FGFR1OP2: variants seen among roughly 807,000 people sequenced by gnomAD.
FGFR1OP2 encodes FGFR1 oncogene partner 2.
In FGFR1OP2, 17 loss-of-function variants were observed where a neutral mutation model predicts 35.2. The ratio of observed to expected loss-of-function variants is 0.48; its 90% CI spans 0.33 to 0.73. FGFR1OP2 has a LOEUF of 0.73. Among genes scored for constraint, FGFR1OP2 ranks in the 30% least tolerant of loss-of-function variants. The pLI, the probability that FGFR1OP2 is intolerant of heterozygous loss-of-function variation, is 0.02. For missense variants in FGFR1OP2, 251 were observed against 307.3 expected, an observed-to-expected ratio of 0.82 and a Z score of 1.37; for synonymous variants, 105 against 104.6, an observed-to-expected ratio of 1.00 and a Z score of -0.03.
At chr12:26,943,777 A>T (rs1938775681) in intron 1 of FGFR1OP2, among the ~76,000 whole-genome samples, 1 of 152,160 alleles carries the variant, frequency 6.6e-6, no homozygotes, top group African/African-American at 2.4e-5. Flanking sequence ...GTGAGCCAAG[A>T]TCGTACCGCT....
chr12:26,948,351 T>C (rs1938862574), intron 1 of FGFR1OP2, among the ~76,000 whole-genome samples: 1 of 152,240 alleles, frequency 6.6e-6, no homozygotes, highest in Non-Finnish European at 1.5e-5. Flanking sequence ...AAATAAGTTC[T>C]TCTTTCTCTT....
At chr12:26,954,337 C>T in intron 2 of FGFR1OP2, 44 bp downstream of exon 2, 1 of 1,548,576 alleles carries the variant, frequency 6.5e-7, no homozygotes, top group Non-Finnish European at 8.7e-7. Context: ...CAAAAGCAGT[C>T]ATTGACATTT....
chr12:26,965,322 T>G lies in FGFR1OP2; in HGVS notation c.*589T>G, dbSNP rs1210125321. The stretch of plus-strand genomic sequence containing the variant: ...TTAGCAATTTATCATAACTGATACT[T>G]AGCTAACAATTGTCCATAACTTGTT... On this transcript the variant is annotated 3_prime_UTR_variant, in exon 7 of 7. Coordinates refer to ENST00000229395, the MANE Select transcript of FGFR1OP2 (RefSeq NM_015633.3). 2 of 152,584 alleles carry G rather than the reference T, an allele frequency of 1.3e-5. No individual in the cohort carries two copies. The highest frequency in any genetic ancestry group is 4.8e-5 in the African/African-American group (2 of 41,462). 9.5% of individuals were successfully genotyped at this position (152,584 alleles called of 1,614,324 possible).
intron 1 of FGFR1OP2, among the ~76,000 whole-genome samples, chr12:26,952,582 A>G (rs1022850560): frequency 6.6e-5 from 10 of 152,184 alleles, no homozygotes; most frequent in Admixed American, 6.5e-5. Flanking sequence ...GGCGATTTAA[A>G]TAACAGGAGA....
chr12:26,960,772 T>G, intron 5 of FGFR1OP2, 144 bp downstream of exon 5: 2 of 1,279,896 alleles, frequency 1.6e-6, no homozygotes, highest in Non-Finnish European at 2.1e-6. Context: ...TTAATAGCCA[T>G]GCTGTTCAGT....
chr12:26,964,597 A>G lies in FGFR1OP2; in HGVS notation c.626A>G (p.Gln209Arg). 1 of 1,609,994 alleles carries G rather than the reference A, an allele frequency of 6.2e-7. No homozygotes were observed. The highest frequency in any genetic ancestry group is 8.5e-7 in the Non-Finnish European group (1 of 1,177,030). ...TCTTTGTTTTTGCTTGCCTTTTAGC[A>G]AGAAAACAAAGGCTTGAGAGAGATC... Reference protein sequence around the residue: ...KEQERIFQLEQENKGLREILQ... With the variant: ...KEQERIFQLERENKGLREILQ... Residue 209 changes from glutamine to arginine, a missense_variant and splice_region_variant, in exon 7 of 7, where the codon CAA (glutamine) becomes CGA (arginine). Physicochemically the swap from Gln to Arg is conservative, Grantham distance 43. Coordinates refer to ENST00000229395, the MANE Select transcript of FGFR1OP2 (RefSeq NM_015633.3).
chr12:26,955,264 A>G (rs1939000983), intron 2 of FGFR1OP2, among the ~76,000 whole-genome samples: 1 of 152,210 alleles, frequency 6.6e-6, no homozygotes, highest in Non-Finnish European at 1.5e-5. Context: ...AATAAGTGCA[A>G]TTTTAAAATA....
chr12:26,941,265 A>G (rs906022162), intron 1 of FGFR1OP2, among the ~76,000 whole-genome samples: 2 of 152,194 alleles, frequency 1.3e-5, no homozygotes, highest in African/African-American at 4.8e-5. Flanking sequence ...TTAAAATTTG[A>G]AACTTGTTAG....
At chr12:26,948,390 C>T (rs913614101) in intron 1 of FGFR1OP2, among the ~76,000 whole-genome samples, 3 of 152,162 alleles carry the variant, frequency 2.0e-5, no homozygotes. Flanking sequence ...ATTTCACCTT[C>T]ATATATGAAA....
intron 5 of FGFR1OP2, 192 bp from the exon 6 acceptor site, chr12:26,963,150 T>C (rs1459428251): frequency 4.4e-6 from 2 of 454,550 alleles, no homozygotes; most frequent in Admixed American, 3.9e-5. Flanking sequence ...TTCTTAATTC[T>C]AGTCCTAACA....
At chr12:26,961,708 A>C (rs1442813549) in intron 5 of FGFR1OP2, 1 of 152,310 alleles carries the variant, frequency 6.6e-6, no homozygotes, top group East Asian at 1.9e-4. Flanking sequence ...ATTGCACTCC[A>C]GCCTGGCCAA....
At chr12:26,949,046 A>T (rs574766928) in intron 1 of FGFR1OP2, among the ~76,000 whole-genome samples, 2 of 152,304 alleles carry the variant, frequency 1.3e-5, no homozygotes, top group East Asian at 3.9e-4. Flanking sequence ...ATATTTCTAA[A>T]CCATGGAGAG....
chr12:26,960,585 CTCAA>C lies in FGFR1OP2; in HGVS notation c.468_471del (p.Gln157MetfsTer22). On this transcript the variant is annotated frameshift_variant, in exon 5 of 7. Transcript: ENST00000229395. LOFTEE classifies it high-confidence loss of function. ...GCATCTCGACACATCCTTGAAGCACCTCAACATGGACTGGAGAGAAGGCACTTGG... is the reference window on the plus strand; with the variant it reads ...GCATCTCGACACATCCTTGAAGCACCCATGGACTGGAGAGAAGGCACTTGG... The C allele has an allele frequency of 6.2e-7, 1 of 1,613,496 alleles. No individual in the cohort carries two copies. Among genetic ancestry groups the C allele is most frequent in the South Asian group, 1.1e-5 (1 of 91,064 alleles).
intron 1 of FGFR1OP2, among the ~76,000 whole-genome samples, chr12:26,942,820 AC>A (rs1938757891): frequency 6.6e-6 from 1 of 151,964 alleles, no homozygotes; most frequent in African/African-American, 2.4e-5. Flanking sequence ...GTTTTGAGAG[AC>A]TTTTTTGTAT....
chr12:26,949,659 A>G (rs1042218168), intron 1 of FGFR1OP2, among the ~76,000 whole-genome samples: 4 of 151,210 alleles, frequency 2.6e-5, no homozygotes, highest in Non-Finnish European at 5.9e-5. Context: ...GCTCGCTGCA[A>G]CCTCTGCCTC....
chr12:26,956,084 A>G (rs932798129), intron 2 of FGFR1OP2, among the ~76,000 whole-genome samples: 1 of 151,988 alleles, frequency 6.6e-6, no homozygotes. Context: ...GTGCAGCGTG[A>G]TAATTCTTCT....
Position 26,941,989 on chromosome 12 carries a change from G to T in FGFR1OP2, c.-15+3279G>T, listed in dbSNP as rs1243216155. On this transcript the variant is annotated intron_variant, in intron 1 of 6. Transcript: ENST00000229395. ...ATCAGAAATTCTATTTTTGGTACTA[G>T]TTTGGCTCTTTCCTTGCTTTGTGGT... is the stretch of plus-strand genomic sequence containing the variant. Among the ~76,000 whole-genome samples, 3 of 152,178 alleles carry T rather than the reference G, an allele frequency of 2.0e-5. No individual in the cohort carries two copies. The East Asian group carries it at 5.8e-4, about 29-fold the overall frequency.
chr12:26,953,839 CATT>C (rs1430919700), intron 1 of FGFR1OP2: 1 of 171,030 alleles, frequency 5.8e-6, no homozygotes, highest in Non-Finnish European at 1.2e-5. Flanking sequence ...TTCTATATAA[CATT>C]ATATTCCTTG....
chr12:26,940,281 G>A (rs780764826), intron 1 of FGFR1OP2, among the ~76,000 whole-genome samples: 29 of 152,106 alleles, frequency 1.9e-4, no homozygotes, highest in Non-Finnish European at 4.0e-4. Flanking sequence ...CTAAGGGAAC[G>A]TGTAATTTTA....
Sources: allele counts gnomAD v4.1 joint callset (sites outside exome capture counted in the v4.1 genomes callset), GRCh38; gene constraint gnomAD v4.1.1; transcripts MANE v1.5; gene names NCBI Gene and HGNC (gene_info 2026-07-23, HGNC 2026-07-21).